TLE2: variants seen among roughly 807,000 people sequenced by gnomAD.
TLE2 encodes the protein transducin-like enhancer protein 2.
A neutral mutation model predicts 97.2 loss-of-function variants in TLE2; 74 were observed. That is an observed-to-expected ratio of 0.76 (90% CI 0.63 to 0.92). The LOEUF is 0.92. Among genes scored for constraint, TLE2 ranks in the 40% least tolerant of loss-of-function variants. The pLI is 0.00. For missense variants in TLE2, 1,038 were observed against 1,008.7 expected (o/e 1.03, Z -0.39); for synonymous variants, 499 against 432.1 (o/e 1.15, Z -1.92).
chr19:3,011,022 C>T lies in TLE2; in HGVS notation c.1012G>A (p.Ala338Thr), dbSNP rs61735265. Residue 338 changes from alanine (A) to threonine (T), a missense_variant and splice_region_variant, in exon 12 of 20, where the codon GCC (alanine) becomes ACC (threonine). Ala to Thr is a moderately conservative substitution (Grantham distance 58). Transcript: ENST00000262953. ...AKPAPSTDSV[A>T]LRSPLTLSSP... ...AGGCACCAACAGGCAAGGTGCTCAC[C>T]GACGCTGTCCGTGGAAGGTGCTGGC... The T allele has an allele frequency of 5.6e-6, 9 of 1,602,598 alleles. No homozygotes were observed. The highest frequency in any genetic ancestry group is 5.2e-5 in the Admixed American group (3 of 58,244).
At chr19:3,018,124 C>T (rs2089754531) in intron 7 of TLE2, among the ~76,000 whole-genome samples, 1 of 152,016 alleles carries the variant, frequency 6.6e-6, no homozygotes, top group South Asian at 2.1e-4. Flanking sequence ...CTTGCAGCCG[C>T]TCTCATTGAT....
At chr19:3,009,908 T>C (rs979034492) in intron 12 of TLE2, among the ~76,000 whole-genome samples, 3 of 151,482 alleles carry the variant, frequency 2.0e-5, no homozygotes, top group African/African-American at 7.3e-5. Flanking sequence ...TTGTTTGAGA[T>C]GGAATCTTGC....
Position 3,011,013 on chromosome 19 carries a change from G to A in TLE2, c.1012+9C>T. 1.2e-6 allele frequency: 2 copies of A among 1,600,696 alleles called. No individual in the cohort carries two copies. Among genetic ancestry groups the A allele is most frequent in the South Asian group, 2.2e-5 (2 of 89,020 alleles). ...GCTCCAGACAGGCACCAACAGGCAA[G>A]GTGCTCACCGACGCTGTCCGTGGAA... On this transcript the variant is annotated intron_variant, in intron 12 of 19. Coordinates refer to ENST00000262953, the MANE Select transcript of TLE2 (RefSeq NM_003260.5).
rs368266461 is a variant in TLE2 at position 3,002,372 on chromosome 19, G to T, written c.2028C>A (p.Ser676=). The change falls in exon 18 of 20, where the codon TCC becomes TCA. Residue 676 remains serine (S), a synonymous_variant. Coordinates refer to ENST00000262953, the MANE Select transcript of TLE2 (RefSeq NM_003260.5). The part of the protein sequence containing the change: ...QLHLHESCVL[S]LKFASCGRWF... The stretch of plus-strand genomic sequence containing the variant: ...ACACACCGCAGGAGGCAAACTTCAG[G>T]GACAGCACGCAGCTCTCGTGGAGGT... The T allele has an allele frequency of 1.5e-5, 25 of 1,613,136 alleles. No individual in the cohort carries two copies. Among genetic ancestry groups the T allele is most frequent in the Non-Finnish European group, 2.1e-5 (25 of 1,179,714 alleles).
chr19:3,005,606 C>T (rs539545418), intron 16 of TLE2, 22 bp from the exon 17 acceptor site: 6 of 1,611,834 alleles, frequency 3.7e-6, no homozygotes, highest in African/African-American at 2.7e-5. Context: ...AGGGCCCAGG[C>T]GTCCATCCTG....
At chr19:2,999,550 A>AC (rs2089303915) in intron 19 of TLE2, among the ~76,000 whole-genome samples, 1 of 151,256 alleles carries the variant, frequency 6.6e-6, no homozygotes, top group South Asian at 2.1e-4. Flanking sequence ...ACACGGTGAA[A>AC]CCCCGTCTCT....
intron 5 of TLE2, among the ~76,000 whole-genome samples, chr19:3,020,926 A>G (rs1006315352): frequency 2.0e-5 from 3 of 151,400 alleles, no homozygotes; most frequent in African/African-American, 7.3e-5. Context: ...TCTCTACTAA[A>G]AATACAAAAA....
intron 5 of TLE2, among the ~76,000 whole-genome samples, chr19:3,022,306 G>C (rs569293820): frequency 6.6e-6 from 1 of 152,066 alleles, no homozygotes; most frequent in East Asian, 1.9e-4. Context: ...TGGATCACCT[G>C]AGGTCAGTAG....
chr19:3,009,123 C>G (rs2089537497), intron 13 of TLE2, among the ~76,000 whole-genome samples, 178 bp from the exon 14 acceptor site: 2 of 152,162 alleles, frequency 1.3e-5, no homozygotes, highest in Admixed American at 1.3e-4. Flanking sequence ...CTTGAGCACA[C>G]CGACACCAAA....
At chr19:3,028,253 A>T (rs1266687753) in intron 3 of TLE2, 66 bp downstream of exon 3, 1 of 1,504,586 alleles carries the variant, frequency 6.6e-7, no homozygotes, top group Non-Finnish European at 9.1e-7. Context: ...GACCTACCCC[A>T]GAGTCCACCG....
intron 8 of TLE2, among the ~76,000 whole-genome samples, chr19:3,016,234 C>T (rs1362438934): frequency 6.6e-6 from 1 of 151,534 alleles, no homozygotes; most frequent in East Asian, 2.0e-4. Flanking sequence ...CCGCAACCAG[C>T]GCCTTACTTC....
intron 5 of TLE2, among the ~76,000 whole-genome samples, chr19:3,023,671 T>C (rs1365690578): frequency 1.3e-5 from 2 of 151,796 alleles, no homozygotes; most frequent in African/African-American, 2.4e-5. Context: ...CACGGGCGGA[T>C]TGCTTGAGTC....
chr19:3,031,653 C>T (rs569586592), upstream of TLE2, among the ~76,000 whole-genome samples: 527 of 152,120 alleles, frequency 3.5e-3, 2 homozygotes, highest in Non-Finnish European at 5.5e-3. Flanking sequence ...ATCTCAACTC[C>T]GGTCATTTTC....
intron 18 of TLE2, among the ~76,000 whole-genome samples, chr19:3,001,418 G>A (rs769721585): frequency 6.7e-6 from 1 of 149,534 alleles, no homozygotes. Context: ...CCCAGCCCAA[G>A]TTTTGTTTGT....
At chr19:3,020,007 G>A in intron 5 of TLE2, 2 of 592,998 alleles carry the variant, frequency 3.4e-6, no homozygotes, top group Non-Finnish European at 5.8e-6. Flanking sequence ...ATCAGGCCGG[G>A]CATGGTGGCT....
Position 3,006,494 on chromosome 19 carries a change from C to T in TLE2, c.1426G>A (p.Gly476Ser), listed in dbSNP as rs1229669217. 2 of 1,609,842 alleles carry T rather than the reference C, an allele frequency of 1.2e-6. No homozygotes were observed. Among genetic ancestry groups the T allele is most frequent in the African/African-American group, 1.3e-5 (1 of 74,986 alleles). The part of the protein sequence containing the change: ...SGSTQHVYTG[G>S]KGCVKVWDVG... ...TCCCACACCTTCACACAGCCCTTGCCGCCCGTGTACACATGCTGTGTGGAG... is the reference window on the plus strand; with the variant it reads ...TCCCACACCTTCACACAGCCCTTGCTGCCCGTGTACACATGCTGTGTGGAG... Residue 476 changes from glycine to serine, a missense_variant, in exon 15 of 20, where the codon GGC becomes AGC. By Grantham distance (56) the Gly-to-Ser change is moderately conservative. Coordinates refer to ENST00000262953, the MANE Select transcript of TLE2 (RefSeq NM_003260.5).
chr19:3,047,513 C>G (rs2090153685), upstream of TLE2: 1 of 151,070 alleles, frequency 6.6e-6, no homozygotes, highest in African/African-American at 2.4e-5. Flanking sequence ...TTGTGACCCC[C>G]CCCCAGGCAT....
rs1288885994 is a variant in TLE2, at chr19:3,025,015, C to T, written c.294+5G>A. On this transcript the variant is annotated splice_donor_5th_base_variant and intron_variant, in intron 5 of 19. Coordinates refer to ENST00000262953, the MANE Select transcript of TLE2 (RefSeq NM_003260.5). Reference sequence around the variant, plus strand: ...CCTCCTCCCCCCACCCCCAGGCCCACTCACCTCCTGGGTCAGGAAGGGGAT... The same window carrying T: ...CCTCCTCCCCCCACCCCCAGGCCCATTCACCTCCTGGGTCAGGAAGGGGAT... 1 of 1,591,472 alleles carries T rather than the reference C, an allele frequency of 6.3e-7. No homozygotes were observed.
intron 4 of TLE2, 191 bp from the exon 5 acceptor site, chr19:3,025,273 C>T: frequency 8.7e-7 from 1 of 1,152,190 alleles, no homozygotes; most frequent in Non-Finnish European, 1.2e-6. Flanking sequence ...GCTGCGTGCT[C>T]AGCTGAGCGA....
Sources: gnomAD v4.1 joint callset for allele counts (sites outside exome capture counted in the v4.1 genomes callset) on GRCh38, gnomAD v4.1.1 for gene constraint, MANE v1.5 for transcripts, NCBI Gene and HGNC (gene_info 2026-07-23, HGNC 2026-07-21) for gene names.